Variants in RFX3 observed in about 807,000 individuals in gnomAD.
RFX3 encodes the protein regulatory factor X3, also known as transcription factor RFX3.
In RFX3, 14 loss-of-function variants were observed where a neutral mutation model predicts 98.6. That is an observed-to-expected ratio of 0.14 (90% CI 0.09 to 0.22). The LOEUF (loss-of-function observed/expected upper bound fraction) is 0.22. Among genes scored for constraint, RFX3 ranks in the 10% least tolerant of loss-of-function variants. The probability of loss-of-function intolerance (pLI) is 1.00; values close to 1 mark genes in which losing one functional copy is unlikely to be tolerated. For synonymous variants in RFX3, 383 were observed against 328.4 expected, an observed-to-expected ratio of 1.17 and a Z score of -1.80; for missense variants, 639 against 926.9, an observed-to-expected ratio of 0.69 and a Z score of 4.03.
intron 1 of RFX3, among the ~76,000 whole-genome samples, chr9:3,496,114 G>C (rs2133577992): frequency 6.6e-6 from 1 of 152,044 alleles, no homozygotes; most frequent in African/African-American, 2.4e-5. Flanking sequence ...ACACAAGCCT[G>C]GGCAGTTTAG....
Position 3,222,877 on chromosome 9 carries a change from T to C in RFX3, c.*2165A>G, listed in dbSNP as rs879454739. The C allele has an allele frequency of 6.6e-5, 10 of 152,194 alleles. No homozygotes were observed. Among genetic ancestry groups the C allele is most frequent in the Admixed American group, 6.5e-4 (10 of 15,272 alleles). 9.4% of individuals were successfully genotyped at this position (152,194 alleles called of 1,614,324 possible). On this transcript the variant is annotated 3_prime_UTR_variant, in exon 17 of 17. Transcript: ENST00000617270. ...CTTTCAAATATATGAGTGAGTTGTA[T>C]AATAAAAAATTTGGATCAGTTTTTA...
chr9:3,492,685 A>T (rs575053353), intron 1 of RFX3, among the ~76,000 whole-genome samples: 8 of 152,226 alleles, frequency 5.3e-5, no homozygotes, highest in African/African-American at 1.9e-4. Flanking sequence ...GGATATGAAA[A>T]ATGGAGGTAG....
intron 15 of RFX3, among the ~76,000 whole-genome samples, chr9:3,245,087 T>C (rs56284096): frequency 0.028 from 4,299 of 152,312 alleles, 85 homozygotes; most frequent in South Asian, 0.049. Flanking sequence ...TTTCCAGGTA[T>C]TACATCTTTG....
chr9:3,345,615 C>A (rs1465988778), intron 3 of RFX3, among the ~76,000 whole-genome samples: 1 of 152,128 alleles, frequency 6.6e-6, no homozygotes. Context: ...TGAAATTATT[C>A]TCCTTCCCCT....
intron 1 of RFX3, among the ~76,000 whole-genome samples, chr9:3,511,863 C>T (rs931451839): frequency 2.0e-5 from 3 of 152,014 alleles, no homozygotes; most frequent in Non-Finnish European, 4.4e-5. Context: ...AAACCAAGAA[C>T]AAACTTCCTG....
At chr9:3,261,184 G>A (rs950587834) in intron 13 of RFX3, among the ~76,000 whole-genome samples, 7 of 151,870 alleles carry the variant, frequency 4.6e-5, no homozygotes, top group East Asian at 1.9e-4. Context: ...AAAGAATACC[G>A]TTCAAAGGTT....
chr9:3,339,253 C>A (rs1287896089), intron 3 of RFX3, among the ~76,000 whole-genome samples: 1 of 152,002 alleles, frequency 6.6e-6, no homozygotes, highest in Non-Finnish European at 1.5e-5. Context: ...AAAAGATATA[C>A]ATAGTCAGTA....
At chr9:3,376,411 C>T (rs996952223) in intron 2 of RFX3, among the ~76,000 whole-genome samples, 4 of 152,006 alleles carry the variant, frequency 2.6e-5, no homozygotes, top group African/African-American at 7.2e-5. Context: ...CCTAAATGTT[C>T]AACAATAGGT....
intron 1 of RFX3, among the ~76,000 whole-genome samples, chr9:3,399,871 C>T (rs979291925): frequency 2.6e-5 from 4 of 151,596 alleles, no homozygotes; most frequent in African/African-American, 9.7e-5. Flanking sequence ...GTCACTTGAA[C>T]CTGGGAGGCA....
intron 15 of RFX3, chr9:3,247,824 T>C: frequency 6.2e-7 from 1 of 1,606,126 alleles, no homozygotes; most frequent in South Asian, 1.1e-5. Context: ...TTTCACATGA[T>C]ATAATCCACA....
chr9:3,420,219 C>G (rs1163212926), intron 1 of RFX3, among the ~76,000 whole-genome samples: 3 of 152,190 alleles, frequency 2.0e-5, no homozygotes, highest in Non-Finnish European at 4.4e-5. Flanking sequence ...GCTTTCACCA[C>G]TTGGGAGAAT....
intron 1 of RFX3, among the ~76,000 whole-genome samples, chr9:3,480,863 C>T (rs1045258915): frequency 6.6e-6 from 1 of 152,076 alleles, no homozygotes; most frequent in Non-Finnish European, 1.5e-5. Flanking sequence ...AACTGCTATA[C>T]AAATATAAGG....
chr9:3,505,842 C>T (rs1271095249), intron 1 of RFX3, among the ~76,000 whole-genome samples: 1 of 151,174 alleles, frequency 6.6e-6, no homozygotes, highest in Non-Finnish European at 1.5e-5. Context: ...TATTATAATA[C>T]ATACTCATTT....
intron 4 of RFX3, among the ~76,000 whole-genome samples, chr9:3,309,509 C>T (rs1289144384): frequency 6.6e-6 from 1 of 151,010 alleles, no homozygotes; most frequent in Non-Finnish European, 1.5e-5. Flanking sequence ...TGTGCCACAT[C>T]TGTCCAAAAA....
At chr9:3,432,255 A>G (rs551264572) in intron 1 of RFX3, among the ~76,000 whole-genome samples, 1 of 152,264 alleles carries the variant, frequency 6.6e-6, no homozygotes, top group African/African-American at 2.4e-5. Context: ...TCAGTACCAA[A>G]GGCATCAAAC....
chr9:3,497,426 TC>T (rs1851192807), intron 1 of RFX3, among the ~76,000 whole-genome samples: 1 of 151,934 alleles, frequency 6.6e-6, no homozygotes, highest in African/African-American at 2.4e-5. Flanking sequence ...ACTGATAACC[TC>T]GTGGTGAAAC....
rs141702284 is a variant in RFX3, at chr9:3,480,344, G to A, written c.-9+45403C>T. 2.8e-4 allele frequency among the ~76,000 whole-genome samples: 43 copies of A among 152,260 alleles called. No homozygotes were observed. The East Asian group carries it at 3.3e-3, about 12-fold the overall frequency. On this transcript the variant is annotated intron_variant, in intron 1 of 16. Coordinates refer to ENST00000617270, the MANE Select transcript of RFX3 (RefSeq NM_001282116.2). ...TTCCACTGGGTCTCTCTAGGAGAACGGTCAGATTCTTACATGATGATCCTC... is the reference window on the plus strand; with the variant it reads ...TTCCACTGGGTCTCTCTAGGAGAACAGTCAGATTCTTACATGATGATCCTC...
chr9:3,505,175 TATAA>T (rs1488867324), intron 1 of RFX3, among the ~76,000 whole-genome samples: 13 of 98,738 alleles, frequency 1.3e-4, no homozygotes, highest in Admixed American at 4.6e-4. Flanking sequence ...TTTATATTCA[TATAA>T]ATATATATAT....
chr9:3,387,156 T>C (rs1016471619), intron 2 of RFX3, among the ~76,000 whole-genome samples: 3 of 152,176 alleles, frequency 2.0e-5, no homozygotes, highest in African/African-American at 7.2e-5. Flanking sequence ...TGTCACATTA[T>C]TGACCCTCAC....
Sources: gnomAD v4.1 joint callset for allele counts (sites outside exome capture counted in the v4.1 genomes callset) on GRCh38, gnomAD v4.1.1 for gene constraint, MANE v1.5 for transcripts, NCBI Gene and HGNC (gene_info 2026-07-23, HGNC 2026-07-21) for gene names.